The following FANCC variants were observed in gnomAD, a reference collection of about 807,000 sequenced individuals.
FANCC encodes Fanconi anemia group C protein.
Under a neutral mutation model 71.3 loss-of-function variants are expected in FANCC, and 55 were observed. The observed-to-expected ratio is 0.77, with a 90% CI of 0.62 to 0.97. The LOEUF (loss-of-function observed/expected upper bound fraction) is 0.97. Ranked by LOEUF, FANCC falls within the 50% of genes least tolerant of loss-of-function variation. The probability of loss-of-function intolerance (pLI) is 0.00; values close to 1 mark genes in which losing one functional copy is unlikely to be tolerated. For missense variants in FANCC, 678 were observed against 670.9 expected (o/e 1.01, Z -0.12); for synonymous variants, 275 against 244.9 (o/e 1.12, Z -1.15).
chr9:95,143,918 G>C (rs1829137258), intron 7 of FANCC, among the ~76,000 whole-genome samples: 1 of 152,154 alleles, frequency 6.6e-6, no homozygotes, highest in Non-Finnish European at 1.5e-5. Flanking sequence ...CCATAAAGAG[G>C]GGCAAGCATC....
chr9:95,293,241 C>T, intron 1 of FANCC: 1 of 1,613,480 alleles, frequency 6.2e-7, no homozygotes, highest in Non-Finnish European at 8.5e-7. Context: ...CCCAAAGTGG[C>T]TTTGCTTAAA....
chr9:95,121,859 T>C (rs2072907125), intron 10 of FANCC, among the ~76,000 whole-genome samples: 1 of 132,574 alleles, frequency 7.5e-6, no homozygotes, highest in Non-Finnish European at 1.6e-5. Flanking sequence ...ATAAAATTCA[T>C]TTTTTTTTTT....
intron 1 of FANCC, among the ~76,000 whole-genome samples, chr9:95,301,007 T>C (rs571408751): frequency 1.3e-5 from 2 of 152,128 alleles, no homozygotes; most frequent in Non-Finnish European, 1.5e-5. Flanking sequence ...TCTTTCTATG[T>C]AGAAGGAAGG....
At chr9:95,260,141 C>G (rs1374439441) in intron 1 of FANCC, among the ~76,000 whole-genome samples, 1 of 152,150 alleles carries the variant, frequency 6.6e-6, no homozygotes, top group Admixed American at 6.5e-5. Context: ...GGAGATTCCT[C>G]AAGGATCTAG....
chr9:95,315,795 T>C (rs559583638), intron 1 of FANCC, among the ~76,000 whole-genome samples: 13 of 152,376 alleles, frequency 8.5e-5, no homozygotes, highest in African/African-American at 3.1e-4. Flanking sequence ...GCCCAGATAA[T>C]CAATCCAACT....
At chr9:95,191,157 T>C (rs1827074209) in intron 4 of FANCC, among the ~76,000 whole-genome samples, 1 of 151,934 alleles carries the variant, frequency 6.6e-6, no homozygotes, top group Non-Finnish European at 1.5e-5. Context: ...GGGTCTTCTG[T>C]CATAAAAGAC....
chr9:95,180,113 A>T (rs1242896751), intron 4 of FANCC, among the ~76,000 whole-genome samples: 1 of 152,198 alleles, frequency 6.6e-6, no homozygotes, highest in Non-Finnish European at 1.5e-5. Flanking sequence ...ATCAATAAAA[A>T]TTTAAATATT....
chr9:95,220,430 G>A (rs1441210770), intron 4 of FANCC, among the ~76,000 whole-genome samples: 1 of 152,144 alleles, frequency 6.6e-6, no homozygotes, highest in African/African-American at 2.4e-5. Context: ...TATGTTTACC[G>A]CAGCACTATT....
intron 1 of FANCC, among the ~76,000 whole-genome samples, chr9:95,250,305 AC>A (rs1418891801): frequency 1.3e-5 from 2 of 152,238 alleles, no homozygotes; most frequent in African/African-American, 4.8e-5. Flanking sequence ...ATTTCAAAAG[AC>A]TAGTGGTAAA....
rs946403477 is a variant in FANCC at position 95,200,426 on chromosome 9, T to C, written c.346-28279A>G. Among the ~76,000 whole-genome samples, 3 of 152,314 alleles carry C rather than the reference T, an allele frequency of 2.0e-5. No homozygotes were observed. In the East Asian group the frequency reaches 5.8e-4, roughly 29 times the overall value. ...AAACTTTGTAAGCAGTCAATAAGTG[T>C]GTGTTATAAACAATTTTATGGCAGT... is the stretch of plus-strand genomic sequence containing the variant. On this transcript the variant is annotated intron_variant, in intron 4 of 14. Transcript: ENST00000289081.
At chr9:95,201,503 TC>T (rs1212069034) in intron 4 of FANCC, among the ~76,000 whole-genome samples, 2 of 152,090 alleles carry the variant, frequency 1.3e-5, no homozygotes, top group Admixed American at 1.3e-4. Flanking sequence ...TTATCCACAC[TC>T]ATGAAAAGTA....
intron 1 of FANCC, among the ~76,000 whole-genome samples, chr9:95,265,413 T>C (rs1171709599): frequency 6.6e-6 from 1 of 152,128 alleles, no homozygotes. Context: ...GGCTTCAAAA[T>C]AAAAGCATCC....
At chr9:95,121,832 G>A (rs2072902951) in intron 10 of FANCC, among the ~76,000 whole-genome samples, 1 of 151,632 alleles carries the variant, frequency 6.6e-6, no homozygotes, top group Non-Finnish European at 1.5e-5. Flanking sequence ...TTCAGAAAGA[G>A]CAAAGGGATA....
chr9:95,243,395 C>T (rs1212618990), intron 3 of FANCC, among the ~76,000 whole-genome samples: 2 of 152,130 alleles, frequency 1.3e-5, no homozygotes, highest in Non-Finnish European at 2.9e-5. Context: ...ATCATCCCTC[C>T]TTCCTTATTA....
intron 12 of FANCC, chr9:95,114,396 C>T (rs1016289286): frequency 6.9e-6 from 4 of 583,888 alleles, no homozygotes; most frequent in Middle Eastern, 4.7e-4. Flanking sequence ...GAAAACATTT[C>T]GATACAGGTA....
intron 1 of FANCC, among the ~76,000 whole-genome samples, chr9:95,314,520 A>G (rs1835617343): frequency 6.6e-6 from 1 of 151,868 alleles, no homozygotes; most frequent in Admixed American, 6.6e-5. Context: ...GGCGTGGTGA[A>G]GGGTGCCTGT....
At chr9:95,165,098 A>T (rs1830989106) in intron 6 of FANCC, among the ~76,000 whole-genome samples, 1 of 151,666 alleles carries the variant, frequency 6.6e-6, no homozygotes, top group Admixed American at 6.6e-5. Context: ...CAATCTTTTT[A>T]ATTTTTGTGG....
At chr9:95,187,671 C>G (rs1025021580) in intron 4 of FANCC, among the ~76,000 whole-genome samples, 1 of 151,960 alleles carries the variant, frequency 6.6e-6, no homozygotes, top group African/African-American at 2.4e-5. Context: ...TCACCAGCCA[C>G]AGACCTGACT....
chr9:95,278,737 A>AT (rs1191763142), intron 1 of FANCC, among the ~76,000 whole-genome samples: 3 of 152,334 alleles, frequency 2.0e-5, no homozygotes, highest in Admixed American at 2.0e-4. Flanking sequence ...AATCATATGT[A>AT]TAGGACATAA....
Sources: allele counts gnomAD v4.1 joint callset (sites outside exome capture counted in the v4.1 genomes callset), GRCh38; gene constraint gnomAD v4.1.1; transcripts MANE v1.5; gene names NCBI Gene and HGNC (gene_info 2026-07-23, HGNC 2026-07-21).